HERC3: variants seen among roughly 807,000 people sequenced by gnomAD.
The protein encoded by HERC3 is HECT and RLD domain containing E3 ubiquitin protein ligase 3.
A neutral mutation model predicts 129.9 loss-of-function variants in HERC3; 58 were observed. The observed-to-expected ratio is 0.45, with a 90% CI of 0.36 to 0.56. The LOEUF (loss-of-function observed/expected upper bound fraction) is 0.56. Among genes scored for constraint, HERC3 ranks in the 20% least tolerant of loss-of-function variants. HERC3 has a pLI of 0.00. For missense variants in HERC3, 835 were observed against 1,244.2 expected (o/e 0.67, Z 4.95); for synonymous variants, 430 against 451.0 (o/e 0.95, Z 0.59).
the HERC3 span, among the ~76,000 whole-genome samples, chr4:88,526,616 A>G: frequency 6.6e-6 from 1 of 152,164 alleles, no homozygotes; most frequent in Non-Finnish European, 1.5e-5. Flanking sequence ...GACTCACTGC[A>G]GCCTTGACCT....
At chr4:88,646,916 C>A (rs1415141444) in intron 3 of HERC3, among the ~76,000 whole-genome samples, 1 of 152,166 alleles carries the variant, frequency 6.6e-6, no homozygotes. Flanking sequence ...TTTGTGGCTG[C>A]AGGTTTTATT....
intron 16 of HERC3, among the ~76,000 whole-genome samples, chr4:88,674,120 T>A (rs1330904792): frequency 6.6e-6 from 1 of 152,076 alleles, no homozygotes; most frequent in Non-Finnish European, 1.5e-5. Context: ...CTTCCAAATC[T>A]GGGTTCCTTC....
At chr4:88,585,564 C>G in the HERC3 span, among the ~76,000 whole-genome samples, 1 of 142,248 alleles carries the variant, frequency 7.0e-6, no homozygotes, top group Admixed American at 7.1e-5. Context: ...TATTGACTCA[C>G]TTTTATTGGC....
chr4:88,702,942 C>T (rs1735453768), intron 23 of HERC3, among the ~76,000 whole-genome samples: 1 of 152,180 alleles, frequency 6.6e-6, no homozygotes, highest in Non-Finnish European at 1.5e-5. Context: ...TCTGCAGCAA[C>T]CTGCCCGGGA....
chr4:88,634,572 G>A (rs1273234825), intron 3 of HERC3, among the ~76,000 whole-genome samples: 2 of 152,264 alleles, frequency 1.3e-5, no homozygotes, highest in African/African-American at 4.8e-5. Context: ...GAGCACTGAC[G>A]AATCTGGGCA....
chr4:88,637,083 T>G (rs1164374427), intron 3 of HERC3, among the ~76,000 whole-genome samples: 1 of 150,082 alleles, frequency 6.7e-6, no homozygotes, highest in Admixed American at 6.6e-5. Flanking sequence ...GGGCTGAGAT[T>G]GCACTACTGC....
the HERC3 span, among the ~76,000 whole-genome samples, chr4:88,549,209 CA>C: frequency 2.6e-5 from 4 of 151,936 alleles, no homozygotes; most frequent in Admixed American, 1.3e-4. Flanking sequence ...CATGTGGATG[CA>C]ATTTGTCCTA....
intron 3 of HERC3, among the ~76,000 whole-genome samples, chr4:88,617,555 A>G (rs1385350133): frequency 6.6e-6 from 1 of 152,200 alleles, no homozygotes; most frequent in Admixed American, 6.5e-5. Context: ...CTGCCTATAC[A>G]CAGAGGCTGT....
At chr4:88,656,829 G>T (rs1729953602) in intron 9 of HERC3, 1 of 152,212 alleles carries the variant, frequency 6.6e-6, no homozygotes, top group Non-Finnish European at 1.5e-5. Flanking sequence ...CCATGTTAGA[G>T]ATAAGGGAAC....
At chr4:88,661,297 C>T (rs1730468311) in intron 10 of HERC3, among the ~76,000 whole-genome samples, 1 of 152,160 alleles carries the variant, frequency 6.6e-6, no homozygotes, top group Admixed American at 6.5e-5. Context: ...CAATAGATAT[C>T]TGTGGCCATT....
rs1223430988 is a variant in HERC3, at chr4:88,655,208, G to T, written c.812G>T (p.Cys271Phe). 2.5e-6 allele frequency: 4 copies of T among 1,613,822 alleles called. No homozygotes were observed. In the Admixed American group the frequency reaches 5.0e-5, roughly 20 times the overall value. The change falls in exon 8 of 26, where the codon TGT becomes TTT. Residue 271 changes from cysteine (C) to phenylalanine (F), a missense_variant. By Grantham distance (205) the Cys-to-Phe change is radical (BLOSUM62 -2). Transcript: ENST00000402738. The stretch of plus-strand genomic sequence containing the variant: ...GTGTTTACCTTTGGCGCTGGTTCCT[G>T]TGGGCAACTTGGACACGACTCCATG... ...GGVFTFGAGSCGQLGHDSMND... is the reference protein window; with the variant it reads ...GGVFTFGAGSFGQLGHDSMND...
the HERC3 span, among the ~76,000 whole-genome samples, chr4:88,547,688 C>T: frequency 0.023 from 3,427 of 152,278 alleles, 64 homozygotes; most frequent in Non-Finnish European, 0.035. Flanking sequence ...CAGAGTCTCG[C>T]TCTGTCACCC....
chr4:88,548,475 G>GTT, the HERC3 span, among the ~76,000 whole-genome samples: 1 of 151,830 alleles, frequency 6.6e-6, no homozygotes, highest in East Asian at 1.9e-4. Flanking sequence ...TTTTTCATCT[G>GTT]TTTATTGGCC....
At position 88,704,863 on chromosome 4, in the gene HERC3, C is replaced by CTTTCTTTTTTTTTTTTTTTTTTTTT. The variant is rs1336673525; in HGVS notation, c.2944+256_2944+257insCTTTTTTTTTTTTTTTTTTTTTTTT. 9.9e-5 allele frequency among the ~76,000 whole-genome samples: 13 copies of CTTTCTTTTTTTTTTTTTTTTTTTTT among 130,672 alleles called. 1 individual carries two copies. The highest frequency in any genetic ancestry group is 5.5e-4 in the South Asian group (2 of 3,666). The allele number at this position is 130,672 out of a possible 152,430, so 85.7% of individuals were successfully genotyped here. ...TCACTGATTTTTCTTTTCTTTCTTT[C>CTTTCTTTTTTTTTTTTTTTTTTTTT]TTTTTTTTTTTTTTTGAGACAGAGT... On this transcript the variant is annotated intron_variant, in intron 25 of 25. Coordinates refer to ENST00000402738, the MANE Select transcript of HERC3 (RefSeq NM_014606.3).
intron 3 of HERC3, among the ~76,000 whole-genome samples, chr4:88,627,027 T>G (rs1726175924): frequency 6.6e-6 from 1 of 152,176 alleles, no homozygotes; most frequent in African/African-American, 2.4e-5. Context: ...ACAAGTATTT[T>G]ATGCTAAAAT....
the HERC3 span, among the ~76,000 whole-genome samples, chr4:88,539,447 C>A: frequency 6.6e-6 from 1 of 152,214 alleles, no homozygotes; most frequent in African/African-American, 2.4e-5. Flanking sequence ...CCCACTGCAG[C>A]TCAGCAAGGC....
intron 21 of HERC3, 76 bp from the exon 22 acceptor site, chr4:88,686,660 C>T: frequency 2.2e-6 from 2 of 908,820 alleles, no homozygotes; most frequent in East Asian, 2.4e-5. Context: ...ATGGTCTGGA[C>T]ATGTAACTGA....
the HERC3 span, among the ~76,000 whole-genome samples, chr4:88,559,461 C>T: frequency 6.6e-6 from 1 of 152,134 alleles, no homozygotes; most frequent in East Asian, 1.9e-4. Flanking sequence ...CCCTGATAAC[C>T]ACTGTTTTGT....
chr4:88,655,586 C>T (rs1172637720), intron 8 of HERC3, among the ~76,000 whole-genome samples: 1 of 152,140 alleles, frequency 6.6e-6, no homozygotes, highest in Non-Finnish European at 1.5e-5. Context: ...TCCCAAAGAA[C>T]TTCTTGGAAA....
Sources: allele counts gnomAD v4.1 joint callset (sites outside exome capture counted in the v4.1 genomes callset), GRCh38; gene constraint gnomAD v4.1.1; transcripts MANE v1.5; gene names NCBI Gene and HGNC (gene_info 2026-07-23, HGNC 2026-07-21).